SHISA9: variants seen among roughly 807,000 people sequenced by gnomAD.
The protein encoded by SHISA9 is shisa family member 9.
A neutral mutation model predicts 38.0 loss-of-function variants in SHISA9; 13 were observed. The ratio of observed to expected loss-of-function variants is 0.34; its 90% CI spans 0.22 to 0.54. The LOEUF is 0.54. Ranked by LOEUF, SHISA9 falls within the 20% of genes least tolerant of loss-of-function variation. The pLI, the probability that SHISA9 is intolerant of heterozygous loss-of-function variation, is 0.91. For synonymous variants in SHISA9, 275 were observed against 242.0 expected (o/e 1.14, Z -1.27); for missense variants, 538 against 575.8 (o/e 0.93, Z 0.67).
At chr16:13,391,782 A>G in the SHISA9 span, among the ~76,000 whole-genome samples, 1 of 152,118 alleles carries the variant, frequency 6.6e-6, no homozygotes, top group Non-Finnish European at 1.5e-5. Context: ...AAGTTTTTGA[A>G]CTCTGTAACC....
chr16:13,491,542 G>A, the SHISA9 span, among the ~76,000 whole-genome samples: 2 of 152,058 alleles, frequency 1.3e-5, no homozygotes, highest in Non-Finnish European at 2.9e-5. Context: ...AGGCTGGAGT[G>A]AAGTGGCACC....
Position 13,040,394 on chromosome 16 carries a change from A to G in SHISA9, c.691+123579A>G, listed in dbSNP as rs144479365. On this transcript the variant is annotated intron_variant, in intron 2 of 4. Transcript: ENST00000558583. ...GTGTGTTATGCCCTCTGATGTTTGCATGACCCTCTTCTTGTAATTCAGATT... is the reference window on the plus strand; with the variant it reads ...GTGTGTTATGCCCTCTGATGTTTGCGTGACCCTCTTCTTGTAATTCAGATT... 4.6e-5 allele frequency among the ~76,000 whole-genome samples: 7 copies of G among 152,292 alleles called. No homozygotes were observed. The East Asian group carries it at 1.4e-3, about 29-fold the overall frequency.
At chr16:13,422,261 T>G in the SHISA9 span, among the ~76,000 whole-genome samples, 1 of 152,212 alleles carries the variant, frequency 6.6e-6, no homozygotes, top group African/African-American at 2.4e-5. Context: ...GTAGCAAATA[T>G]GTTCCTGTCC....
At chr16:13,407,288 T>C in the SHISA9 span, among the ~76,000 whole-genome samples, 19 of 152,108 alleles carry the variant, frequency 1.2e-4, no homozygotes, top group African/African-American at 4.6e-4. Context: ...CCTCTGGCTG[T>C]ATCCTCATGT....
At chr16:13,476,756 T>G in the SHISA9 span, among the ~76,000 whole-genome samples, 7 of 135,064 alleles carry the variant, frequency 5.2e-5, no homozygotes, top group East Asian at 1.0e-3. Context: ...TTTTTTTTTT[T>G]TTTTTTTTTT....
the SHISA9 span, among the ~76,000 whole-genome samples, chr16:13,447,977 G>C: frequency 6.6e-6 from 1 of 152,184 alleles, no homozygotes; most frequent in African/African-American, 2.4e-5. Flanking sequence ...AAGTCACTTA[G>C]AGAGAAACCT....
chr16:13,002,919 T>C (rs1305594483), intron 2 of SHISA9, among the ~76,000 whole-genome samples: 1 of 152,172 alleles, frequency 6.6e-6, no homozygotes, highest in Non-Finnish European at 1.5e-5. Context: ...AATAATGATT[T>C]ATGCTGCAGA....
the SHISA9 span, among the ~76,000 whole-genome samples, chr16:13,353,810 G>A: frequency 6.6e-6 from 1 of 152,144 alleles, no homozygotes; most frequent in Admixed American, 6.5e-5. Flanking sequence ...TCTACTTTTC[G>A]TGAAGACGGA....
intron 2 of SHISA9, among the ~76,000 whole-genome samples, chr16:12,979,403 G>A (rs529260462): frequency 6.6e-6 from 1 of 151,888 alleles, no homozygotes; most frequent in East Asian, 1.9e-4. Flanking sequence ...CTTTTGTCTA[G>A]TTAATTATAT....
At chr16:13,521,419 T>C in the SHISA9 span, among the ~76,000 whole-genome samples, 1 of 152,356 alleles carries the variant, frequency 6.6e-6, no homozygotes, top group African/African-American at 2.4e-5. Flanking sequence ...TCTAATGCCC[T>C]GTATCACACA....
chr16:13,302,286 T>C, the SHISA9 span, among the ~76,000 whole-genome samples: 1 of 152,132 alleles, frequency 6.6e-6, no homozygotes, highest in Non-Finnish European at 1.5e-5. Context: ...CCATAGCTTG[T>C]GTATGTGTGC....
Position 13,058,751 on chromosome 16 carries a change from TTGTGTG to T in SHISA9, c.691+141963_691+141968del, listed in dbSNP as rs57415975. ...GTCATTGACCAGTGGTGTGGTGTAT[TTGTGTG>T]TGTGTGTGTGTGTGTGTGTGTGTGT... On this transcript the variant is annotated intron_variant, in intron 2 of 4. Coordinates refer to ENST00000558583, the MANE Select transcript of SHISA9 (RefSeq NM_001145204.3). Among the ~76,000 whole-genome samples, 102 of 144,946 alleles carry T rather than the reference TTGTGTG, an allele frequency of 7.0e-4. 1 individual carries two copies. The highest frequency in any genetic ancestry group is 2.2e-3 in the African/African-American group (88 of 39,660).
chr16:13,546,889 G>A, the SHISA9 span, among the ~76,000 whole-genome samples: 5 of 152,114 alleles, frequency 3.3e-5, no homozygotes, highest in African/African-American at 1.2e-4. Context: ...TGACCCCTGT[G>A]GTATATCATC....
chr16:13,500,540 C>A, the SHISA9 span, among the ~76,000 whole-genome samples: 1 of 150,730 alleles, frequency 6.6e-6, no homozygotes, highest in Non-Finnish European at 1.5e-5. Flanking sequence ...GTAGGATTTT[C>A]CAGGCACAGC....
chr16:12,958,903 T>A (rs1254539403), intron 2 of SHISA9, among the ~76,000 whole-genome samples: 1 of 152,156 alleles, frequency 6.6e-6, no homozygotes, highest in African/African-American at 2.4e-5. Context: ...TATTTTTCTT[T>A]CTCCCATGAG....
At chr16:13,481,257 C>T in the SHISA9 span, among the ~76,000 whole-genome samples, 1 of 152,186 alleles carries the variant, frequency 6.6e-6, no homozygotes, top group Non-Finnish European at 1.5e-5. Context: ...ATTTTCATGA[C>T]ATTCTTGCAT....
the SHISA9 span, among the ~76,000 whole-genome samples, chr16:13,353,662 T>C: frequency 2.0e-5 from 3 of 152,126 alleles, no homozygotes; most frequent in East Asian, 3.9e-4. Context: ...ATACAGGAGC[T>C]TAAATGGGCT....
chr16:13,129,180 A>G (rs1213300706), intron 2 of SHISA9, among the ~76,000 whole-genome samples: 2 of 152,236 alleles, frequency 1.3e-5, no homozygotes, highest in African/African-American at 4.8e-5. Flanking sequence ...TTTCAGTGAC[A>G]GTGAATATAA....
At chr16:12,989,606 T>A (rs2072358075) in intron 2 of SHISA9, among the ~76,000 whole-genome samples, 1 of 152,160 alleles carries the variant, frequency 6.6e-6, no homozygotes, top group Non-Finnish European at 1.5e-5. Flanking sequence ...CCCAGCCTGT[T>A]TTTTTCTAAG....
Sources: allele counts gnomAD v4.1 joint callset (sites outside exome capture counted in the v4.1 genomes callset), GRCh38; gene constraint gnomAD v4.1.1; transcripts MANE v1.5; gene names NCBI Gene and HGNC (gene_info 2026-07-23, HGNC 2026-07-21).